TENM4: variants seen among roughly 807,000 people sequenced by gnomAD.
TENM4 encodes the protein teneurin-4.
TENM4 carries 82 observed loss-of-function variants against 243.3 expected under a neutral mutation model. The ratio of observed to expected loss-of-function variants is 0.34; its 90% CI spans 0.28 to 0.40. The LOEUF (loss-of-function observed/expected upper bound fraction) is 0.40. Ranked by LOEUF, TENM4 falls within the 10% of genes least tolerant of loss-of-function variation. The pLI is 1.00. For synonymous variants in TENM4, 1,412 were observed against 1,456.3 expected (o/e 0.97, Z 0.69); for missense variants, 3,138 against 3,673.3 (o/e 0.85, Z 3.77).
intron 6 of TENM4, among the ~76,000 whole-genome samples, chr11:78,959,211 A>C (rs1857267478): frequency 6.6e-6 from 1 of 152,238 alleles, no homozygotes; most frequent in Non-Finnish European, 1.5e-5. Flanking sequence ...TGTTAAACGT[A>C]GTTATATCTC....
chr11:79,143,492 T>C (rs1277376), intron 4 of TENM4, among the ~76,000 whole-genome samples: 141,635 of 151,966 alleles, frequency 0.93, 66,649 homozygotes, highest in Middle Eastern at 1. Flanking sequence ...CACTTGGACA[T>C]AGGGTGGGGA....
chr11:79,318,735 ATAATT>A (rs1343459686), intron 1 of TENM4, among the ~76,000 whole-genome samples: 6 of 152,258 alleles, frequency 3.9e-5, no homozygotes, highest in Non-Finnish European at 8.8e-5. Context: ...TGTTTTTAAC[ATAATT>A]TAAGTGTGAA....
At chr11:79,041,648 G>C (rs1302267097) in intron 6 of TENM4, among the ~76,000 whole-genome samples, 4 of 152,170 alleles carry the variant, frequency 2.6e-5, no homozygotes, top group Admixed American at 2.6e-4. Context: ...TGGGGAAGCA[G>C]GCTCTTGTTT....
intron 31 of TENM4, among the ~76,000 whole-genome samples, chr11:78,670,815 G>A (rs1565324833): frequency 6.6e-6 from 1 of 152,142 alleles, no homozygotes; most frequent in Non-Finnish European, 1.5e-5. Context: ...AACCTACCTG[G>A]GGCCTAGGCC....
At chr11:78,695,254 G>A (rs1858930737) in intron 28 of TENM4, among the ~76,000 whole-genome samples, 1 of 152,004 alleles carries the variant, frequency 6.6e-6, no homozygotes, top group Non-Finnish European at 1.5e-5. Context: ...TTTCTATGTT[G>A]CCCAGGCTAT....
At chr11:78,663,087 T>A (rs1332616310) in intron 32 of TENM4, among the ~76,000 whole-genome samples, 1 of 152,118 alleles carries the variant, frequency 6.6e-6, no homozygotes, top group Non-Finnish European at 1.5e-5. Context: ...GAGCTTCAGA[T>A]GGCAGGGGGA....
In TENM4 at chr11:78,805,379, C is replaced by T. The variant is rs536409102; in HGVS notation, c.2092G>A (p.Asp698Asn). 1 of 1,608,998 alleles carries T rather than the reference C, an allele frequency of 6.2e-7. No individual in the cohort carries two copies. The highest frequency in any genetic ancestry group is 8.5e-7 in the Non-Finnish European group (1 of 1,177,818). Reference protein sequence around the residue: ...NCETPRATCLDQCSGHGTFLP... With the variant: ...NCETPRATCLNQCSGHGTFLP... The stretch of plus-strand genomic sequence containing the variant: ...AAGGTTCCGTGGCCTGAACACTGGT[C>T]TAAGCATGTGGCCCTGGGGGTCTCG... The change falls in exon 15 of 34, where the codon GAC becomes AAC. Residue 698 changes from aspartate (D) to asparagine (N), a missense_variant. Around this residue, in one of 2 missense-constraint regions of TENM4, gnomAD observed 2,467 missense variants for 3,059.1 expected, o/e 0.81. Transcript: ENST00000278550.
intron 6 of TENM4, among the ~76,000 whole-genome samples, chr11:79,060,318 G>T (rs2136968841): frequency 6.6e-6 from 1 of 152,308 alleles, no homozygotes; most frequent in East Asian, 1.9e-4. Flanking sequence ...ATTTATTTTA[G>T]ATATTAAGCA....
chr11:78,717,509 A>G (rs1859549267), intron 25 of TENM4, among the ~76,000 whole-genome samples: 1 of 152,250 alleles, frequency 6.6e-6, no homozygotes, highest in Non-Finnish European at 1.5e-5. Flanking sequence ...CCCTGGTCAC[A>G]TCACTTCTAT....
chr11:78,924,582 G>A (rs1372826556), intron 6 of TENM4: 5 of 152,180 alleles, frequency 3.3e-5, no homozygotes, highest in African/African-American at 9.7e-5. Context: ...TTAGACTGTA[G>A]TGAGTGTCAA....
chr11:78,705,745 T>G (rs1253636539), intron 27 of TENM4, among the ~76,000 whole-genome samples: 1 of 151,936 alleles, frequency 6.6e-6, no homozygotes, highest in Non-Finnish European at 1.5e-5. Context: ...ATAGAGGGAG[T>G]GAGAGATTGG....
At position 79,431,978 on chromosome 11, in the gene TENM4, A is replaced by G. The variant is rs142527704; in HGVS notation, c.-321+8531T>C. On this transcript the variant is annotated intron_variant, in intron 1 of 33. Transcript: ENST00000278550. ...AATGATAGAAATGTTCTATAACTGC[A>G]CTGTCGAGTATGGCAGCCACTAACC... 2.6e-3 allele frequency among the ~76,000 whole-genome samples: 400 copies of G among 152,320 alleles called. 1 individual carries two copies. Among genetic ancestry groups the G allele is most frequent in the African/African-American group, 9.0e-3 (374 of 41,568 alleles).
chr11:79,217,052 G>C (rs1864064579), intron 2 of TENM4, among the ~76,000 whole-genome samples: 1 of 152,108 alleles, frequency 6.6e-6, no homozygotes, highest in Non-Finnish European at 1.5e-5. Flanking sequence ...TGAACTGGGG[G>C]ACACGTGAGG....
chr11:78,693,781 A>AG (rs770340249), intron 28 of TENM4, among the ~76,000 whole-genome samples: 39 of 152,300 alleles, frequency 2.6e-4, no homozygotes, highest in Middle Eastern at 3.4e-3. Context: ...TGGGAGGCCA[A>AG]GGGGGGTGGA....
chr11:79,437,551 T>G (rs1044933083), intron 1 of TENM4, among the ~76,000 whole-genome samples: 2 of 152,120 alleles, frequency 1.3e-5, no homozygotes, highest in Non-Finnish European at 2.9e-5. Flanking sequence ...GCACCGCTGC[T>G]CCGGCCACCG....
intron 9 of TENM4, among the ~76,000 whole-genome samples, chr11:78,885,684 C>A (rs1360206662): frequency 6.6e-6 from 1 of 152,200 alleles, no homozygotes; most frequent in Admixed American, 6.5e-5. Flanking sequence ...TGTTGGGAAG[C>A]TGAGGCAGGA....
At chr11:79,287,620 G>T (rs1856279615) in intron 2 of TENM4, among the ~76,000 whole-genome samples, 1 of 152,120 alleles carries the variant, frequency 6.6e-6, no homozygotes, top group Non-Finnish European at 1.5e-5. Context: ...TAGGGTGCTT[G>T]ATGCATTATA....
chr11:79,173,758 C>T (rs1159422012), intron 3 of TENM4, among the ~76,000 whole-genome samples: 11 of 152,102 alleles, frequency 7.2e-5, no homozygotes, highest in African/African-American at 2.4e-4. Context: ...ATCTGGGACT[C>T]GAGAAGTGAA....
At chr11:79,177,451 T>G (rs1264743138) in intron 3 of TENM4, among the ~76,000 whole-genome samples, 1 of 151,934 alleles carries the variant, frequency 6.6e-6, no homozygotes, top group Non-Finnish European at 1.5e-5. Flanking sequence ...CCCTCCATAT[T>G]TGAAGCCTCT....
Sources: gnomAD v4.1 joint callset for allele counts (sites outside exome capture counted in the v4.1 genomes callset) on GRCh38, gnomAD v4.1.1 for gene constraint, gnomAD v4.1.1 regional missense constraint, MANE v1.5 for transcripts, NCBI Gene and HGNC (gene_info 2026-07-23, HGNC 2026-07-21) for gene names.